Variants in BABAM2 observed in about 807,000 individuals in gnomAD.
BABAM2 encodes the protein BRISC and BRCA1 A complex member 2.
BABAM2 carries 31 observed loss-of-function variants against 54.7 expected under a neutral mutation model. The ratio of observed to expected loss-of-function variants is 0.57; its 90% CI spans 0.43 to 0.77. The LOEUF is 0.77. Ranked by LOEUF, BABAM2 falls within the 30% of genes least tolerant of loss-of-function variation. The pLI, the probability that BABAM2 is intolerant of heterozygous loss-of-function variation, is 0.00. For missense variants in BABAM2, 364 were observed against 455.8 expected (o/e 0.80, Z 1.83); for synonymous variants, 167 against 162.9 (o/e 1.03, Z -0.19).
chr2:28,313,388 T>G (rs1689248173), intron 11 of BABAM2, among the ~76,000 whole-genome samples: 1 of 152,226 alleles, frequency 6.6e-6, no homozygotes. Flanking sequence ...AAAATTCCAG[T>G]GACTCCTATT....
chr2:28,075,360 G>T (rs1664557938), intron 6 of BABAM2, among the ~76,000 whole-genome samples: 1 of 152,102 alleles, frequency 6.6e-6, no homozygotes, highest in African/African-American at 2.4e-5. Flanking sequence ...TAACAAATTA[G>T]TAATAGAGCT....
At position 28,306,689 on chromosome 2, in the gene BABAM2, T is replaced by C. The variant is rs567813599; in HGVS notation, c.1088+8198T>C. The stretch of plus-strand genomic sequence containing the variant: ...CCTTTTAATTGGAGTATTTCTTTTT[T>C]ATTTTTTTATTTTAATTTTTTTTTT... On this transcript the variant is annotated intron_variant, in intron 11 of 11. Transcript: ENST00000379624. Among the ~76,000 whole-genome samples, 21 of 152,102 alleles carry C rather than the reference T, an allele frequency of 1.4e-4. No homozygotes were observed. In the East Asian group the frequency reaches 1.9e-3, roughly 14 times the overall value.
chr2:28,282,998 A>C (rs1376103136), intron 10 of BABAM2, among the ~76,000 whole-genome samples: 1 of 27,520 alleles, frequency 3.6e-5, no homozygotes. Context: ...ACTCCGTCCC[A>C]AAAAAAAAAA....
intron 3 of BABAM2, among the ~76,000 whole-genome samples, chr2:27,945,730 C>A (rs904163091): frequency 6.6e-6 from 1 of 150,890 alleles, no homozygotes; most frequent in African/African-American, 2.4e-5. Flanking sequence ...GTGAATATAT[C>A]TTAATCCAAT....
At position 28,061,575 on chromosome 2, in the gene BABAM2, ACT is replaced by A. The variant is rs1479907024; in HGVS notation, c.570+15779_570+15780del. On this transcript the variant is annotated intron_variant, in intron 6 of 11. Coordinates refer to ENST00000379624, the MANE Select transcript of BABAM2 (RefSeq NM_199191.3). ...ACTCCAGCCTGAGCAACAGAGTGAG[ACT>A]CTGTCTCAAAAAAAAAAAAAAAAAA... 2.9e-5 allele frequency among the ~76,000 whole-genome samples: 4 copies of A among 137,214 alleles called. No individual in the cohort carries two copies. The East Asian group carries it at 6.2e-4, about 21-fold the overall frequency. The allele number at this position is 137,214 out of a possible 152,430, so 90.0% of individuals were successfully genotyped here.
chr2:28,224,851 C>CAA lies in BABAM2; in HGVS notation c.681-12329_681-12328dup, dbSNP rs754146418. Among the ~76,000 whole-genome samples, 405 of 83,774 alleles carry CAA rather than the reference C, an allele frequency of 4.8e-3. 6 individuals carry two copies. Among genetic ancestry groups the CAA allele is most frequent in the African/African-American group, 0.011 (263 of 24,290 alleles). The allele number at this position is 83,774 out of a possible 152,430, so 55.0% of individuals were successfully genotyped here. On this transcript the variant is annotated intron_variant, in intron 7 of 11. Coordinates refer to ENST00000379624, the MANE Select transcript of BABAM2 (RefSeq NM_199191.3). ...AACAAGTCCAAAAACGGTAAATTGACAAAAAAAAAAAAAAAAAAAAAAATC... is the reference window on the plus strand; with the variant it reads ...AACAAGTCCAAAAACGGTAAATTGACAAAAAAAAAAAAAAAAAAAAAAAAATC...
chr2:27,949,036 A>G (rs536357105), intron 3 of BABAM2, among the ~76,000 whole-genome samples: 6 of 152,266 alleles, frequency 3.9e-5, no homozygotes, highest in African/African-American at 1.2e-4. Flanking sequence ...ACCAAGAGCT[A>G]AGGTCTGCCT....
At chr2:28,063,241 C>G (rs533211851) in intron 6 of BABAM2, among the ~76,000 whole-genome samples, 1 of 152,280 alleles carries the variant, frequency 6.6e-6, no homozygotes, top group Non-Finnish European at 1.5e-5. Flanking sequence ...AGCTGTGTTT[C>G]TCATCACGTG....
chr2:28,248,419 G>T (rs1027801187), intron 10 of BABAM2, among the ~76,000 whole-genome samples: 1 of 151,744 alleles, frequency 6.6e-6, no homozygotes, highest in Non-Finnish European at 1.5e-5. Flanking sequence ...GTGTTGGTCA[G>T]GCTGGTCTCA....
intron 3 of BABAM2, among the ~76,000 whole-genome samples, chr2:27,985,221 C>G (rs1252636033): frequency 1.3e-5 from 2 of 151,930 alleles, no homozygotes; most frequent in Non-Finnish European, 2.9e-5. Context: ...ATAATGACTC[C>G]TTTTCCTCCA....
chr2:27,930,415 A>T (rs543677285), intron 3 of BABAM2: 1 of 154,748 alleles, frequency 6.5e-6, no homozygotes, highest in East Asian at 1.9e-4. Context: ...TATAGCAAGG[A>T]TCAGAGATAC....
At chr2:28,200,751 TG>T (rs1453547583) in intron 7 of BABAM2, among the ~76,000 whole-genome samples, 3 of 77,622 alleles carry the variant, frequency 3.9e-5, no homozygotes, top group Middle Eastern at 5.7e-3. Flanking sequence ...CAGGTATCTA[TG>T]GGGTTTTTTG....
chr2:27,914,172 C>T (rs752479890), intron 2 of BABAM2, among the ~76,000 whole-genome samples: 1 of 152,142 alleles, frequency 6.6e-6, no homozygotes, highest in Non-Finnish European at 1.5e-5. Flanking sequence ...TGCTTCTCTG[C>T]CAAGTGACTG....
intron 10 of BABAM2, among the ~76,000 whole-genome samples, chr2:28,279,872 G>A (rs1179530853): frequency 1.3e-5 from 2 of 151,788 alleles, no homozygotes; most frequent in South Asian, 4.2e-4. Flanking sequence ...CTCCATGTTG[G>A]TTAGGCTGAT....
rs973632556 is a variant in BABAM2, at chr2:28,160,709, T to A, written c.680+31329T>A. Among the ~76,000 whole-genome samples the A allele has an allele frequency of 1.5e-4, 22 of 150,306 alleles. 1 individual carries two copies. The highest frequency in any genetic ancestry group is 3.9e-4 in the African/African-American group (16 of 40,860). ...CATGGATCCAGAAAACTAAATTAAA[T>A]GAACATAGAAAGGAACATATAAATT... On this transcript the variant is annotated intron_variant, in intron 7 of 11. Coordinates refer to ENST00000379624, the MANE Select transcript of BABAM2 (RefSeq NM_199191.3).
chr2:28,113,599 G>C (rs1257851816), intron 6 of BABAM2, among the ~76,000 whole-genome samples: 1 of 152,118 alleles, frequency 6.6e-6, no homozygotes, highest in African/African-American at 2.4e-5. Flanking sequence ...CTCCAGCTCT[G>C]TTCTTTTTGC....
intron 10 of BABAM2, among the ~76,000 whole-genome samples, chr2:28,251,518 G>A (rs1459855453): frequency 6.6e-6 from 1 of 152,176 alleles, no homozygotes; most frequent in Non-Finnish European, 1.5e-5. Context: ...AAAACACAAA[G>A]CTGTCGTAGT....
chr2:28,331,856 A>T (rs1307710078), intron 11 of BABAM2, among the ~76,000 whole-genome samples: 1 of 152,222 alleles, frequency 6.6e-6, no homozygotes, highest in East Asian at 1.9e-4. Context: ...TGTTATAAAG[A>T]TACATGCACG....
At chr2:27,924,416 G>T (rs1667533530) in intron 2 of BABAM2, among the ~76,000 whole-genome samples, 2 of 151,532 alleles carry the variant, frequency 1.3e-5, no homozygotes, top group African/African-American at 4.8e-5. Context: ...GCAGAGTCTC[G>T]CTCTGTTGCC....
Sources: allele counts gnomAD v4.1 joint callset (sites outside exome capture counted in the v4.1 genomes callset), GRCh38; gene constraint gnomAD v4.1.1; transcripts MANE v1.5; gene names NCBI Gene and HGNC (gene_info 2026-07-23, HGNC 2026-07-21).